Variants in LRRC8B observed in about 807,000 individuals in gnomAD.
LRRC8B encodes the protein leucine rich repeat containing 8 VRAC subunit B, also known as volume-regulated anion channel subunit LRRC8B.
In LRRC8B, 23 loss-of-function variants were observed where a neutral mutation model predicts 58.8. That is an observed-to-expected ratio of 0.39 (90% CI 0.28 to 0.55). The LOEUF is 0.55. Among genes scored for constraint, LRRC8B ranks in the 20% least tolerant of loss-of-function variants. The pLI, the probability that LRRC8B is intolerant of heterozygous loss-of-function variation, is 0.62. For missense variants in LRRC8B, 694 were observed against 936.0 expected (o/e 0.74, Z 3.37); for synonymous variants, 359 against 374.1 (o/e 0.96, Z 0.47).
intron 1 of LRRC8B, among the ~76,000 whole-genome samples, chr1:89,537,092 C>G (rs1356347331): frequency 6.6e-6 from 1 of 152,138 alleles, no homozygotes; most frequent in African/African-American, 2.4e-5. Context: ...GTGACTGAAT[C>G]AAGGACCTAA....
At chr1:89,525,522 T>C (rs1649616142) in intron 1 of LRRC8B, among the ~76,000 whole-genome samples, 1 of 152,260 alleles carries the variant, frequency 6.6e-6, no homozygotes, top group Non-Finnish European at 1.5e-5. Flanking sequence ...AACTATTTTA[T>C]GCTGTTGGAT....
At chr1:89,564,182 G>A (rs535247169) in intron 1 of LRRC8B, among the ~76,000 whole-genome samples, 1 of 152,282 alleles carries the variant, frequency 6.6e-6, no homozygotes, top group East Asian at 1.9e-4. Context: ...AAGAGGCTGT[G>A]CAAGCAGGAT....
chr1:89,535,926 A>T (rs1650494011), intron 1 of LRRC8B, among the ~76,000 whole-genome samples: 1 of 152,042 alleles, frequency 6.6e-6, no homozygotes, highest in African/African-American at 2.4e-5. Context: ...TGCAATTGAG[A>T]GGGAGAGGAC....
chr1:89,549,610 A>C (rs1249433321), intron 1 of LRRC8B, among the ~76,000 whole-genome samples: 1 of 152,188 alleles, frequency 6.6e-6, no homozygotes, highest in Non-Finnish European at 1.5e-5. Context: ...AAGTCATTTG[A>C]AGAGATGTTT....
chr1:89,536,889 A>C (rs979571943), intron 1 of LRRC8B, among the ~76,000 whole-genome samples: 1 of 152,154 alleles, frequency 6.6e-6, no homozygotes, highest in Non-Finnish European at 1.5e-5. Context: ...ACTTTTTTAT[A>C]TTATAGATAT....
intron 1 of LRRC8B, among the ~76,000 whole-genome samples, chr1:89,545,413 A>G (rs941566215): frequency 6.6e-6 from 1 of 152,224 alleles, no homozygotes; most frequent in Non-Finnish European, 1.5e-5. Flanking sequence ...AAGTTACACA[A>G]TATACCCAAA....
At chr1:89,530,384 T>A (rs939274693) in intron 1 of LRRC8B, among the ~76,000 whole-genome samples, 13 of 134,760 alleles carry the variant, frequency 9.6e-5, no homozygotes, top group South Asian at 5.1e-4. Context: ...AAATAAATAA[T>A]AAATAAATAA....
At chr1:89,592,578 C>G (rs970212397) in intron 5 of LRRC8B, among the ~76,000 whole-genome samples, 193 bp from the exon 6 acceptor site, 10 of 152,118 alleles carry the variant, frequency 6.6e-5, no homozygotes, top group African/African-American at 2.4e-4. Context: ...CCACAGTCCT[C>G]ACTCCTCATT....
At position 89,592,926 on chromosome 1, in the gene LRRC8B, T is replaced by G. The variant is rs1655079563; in HGVS notation, c.2295T>G (p.Pro765=). 2 of 1,614,046 alleles carry G rather than the reference T, an allele frequency of 1.2e-6. No individual in the cohort carries two copies. Among genetic ancestry groups the G allele is most frequent in the African/African-American group, 2.7e-5 (2 of 74,932 alleles). ...LIGNYLETLP[P]ELEGCQSLKR... is the part of the protein sequence containing the mutation. ...GTAATTACCTGGAAACACTTCCTCC[T>G]GAACTAGAAGGATGTCAGTCCCTAA... is the stretch of plus-strand genomic sequence containing the variant. Residue 765 remains proline, a synonymous_variant, in exon 6 of 6, where the codon CCT becomes CCG. Coordinates refer to ENST00000330947, the MANE Select transcript of LRRC8B (RefSeq NM_001369817.2).
intron 3 of LRRC8B, among the ~76,000 whole-genome samples, chr1:89,577,434 C>T (rs1037184259): frequency 4.6e-5 from 7 of 152,004 alleles, no homozygotes; most frequent in African/African-American, 9.7e-5. Flanking sequence ...GGATTAGAAC[C>T]GTAAAATCCA....
At chr1:89,546,259 C>G (rs1450183958) in intron 1 of LRRC8B, among the ~76,000 whole-genome samples, 1 of 152,014 alleles carries the variant, frequency 6.6e-6, no homozygotes, top group African/African-American at 2.4e-5. Flanking sequence ...GGCACTGGTT[C>G]ATTGGTTGGA....
chr1:89,591,345 G>T (rs1045345047), intron 5 of LRRC8B, among the ~76,000 whole-genome samples: 3 of 152,146 alleles, frequency 2.0e-5, no homozygotes, highest in Admixed American at 6.5e-5. Flanking sequence ...TGTGCAGAAG[G>T]GGTTGCCTTA....
Position 89,597,660 on chromosome 1 carries a change from A to G in LRRC8B, c.*4617A>G, listed in dbSNP as rs766850276. Reference sequence around the variant, plus strand: ...TGTACAATTGTTTTTGCTTCTGGTAATGAATTATTAGAAAATGGAAGATTT... The same window carrying G: ...TGTACAATTGTTTTTGCTTCTGGTAGTGAATTATTAGAAAATGGAAGATTT... On this transcript the variant is annotated 3_prime_UTR_variant, in exon 6 of 6. Coordinates refer to ENST00000330947, the MANE Select transcript of LRRC8B (RefSeq NM_001369817.2). The G allele has an allele frequency of 3.9e-5, 6 of 152,152 alleles. No individual in the cohort carries two copies. Among genetic ancestry groups the G allele is most frequent in the Non-Finnish European group, 8.8e-5 (6 of 68,034 alleles). The allele number at this position is 152,152 out of a possible 1,614,324, so 9.4% of individuals were successfully genotyped here.
chr1:89,542,357 G>A (rs1651065020), intron 1 of LRRC8B, among the ~76,000 whole-genome samples: 1 of 152,158 alleles, frequency 6.6e-6, no homozygotes, highest in African/African-American at 2.4e-5. Flanking sequence ...AAATAACTGA[G>A]GATTTGTTTA....
intron 1 of LRRC8B, among the ~76,000 whole-genome samples, chr1:89,550,268 T>C (rs941744827): frequency 1.3e-5 from 2 of 152,232 alleles, no homozygotes; most frequent in Non-Finnish European, 2.9e-5. Context: ...GTTTATCATC[T>C]GGACAATTGA....
At chr1:89,527,986 G>A (rs1038340280) in intron 1 of LRRC8B, among the ~76,000 whole-genome samples, 5 of 152,080 alleles carry the variant, frequency 3.3e-5, no homozygotes, top group African/African-American at 1.2e-4. Context: ...GAGTTGTCAG[G>A]GCTTCAACCT....
intron 1 of LRRC8B, among the ~76,000 whole-genome samples, chr1:89,562,619 C>T (rs1050039645): frequency 7.2e-5 from 11 of 151,994 alleles, no homozygotes; most frequent in South Asian, 6.2e-4. Flanking sequence ...TACAGGCAGG[C>T]GCCACTATGC....
At chr1:89,552,808 A>G (rs1651921092) in intron 1 of LRRC8B, among the ~76,000 whole-genome samples, 2 of 152,242 alleles carry the variant, frequency 1.3e-5, no homozygotes, top group South Asian at 2.1e-4. Flanking sequence ...AGATATTTGC[A>G]TAGAAGACTG....
At chr1:89,588,515 C>T in intron 5 of LRRC8B, among the ~76,000 whole-genome samples, 1 of 152,068 alleles carries the variant, frequency 6.6e-6, no homozygotes, top group East Asian at 1.9e-4. Flanking sequence ...AAAAACATAA[C>T]CAAATATAAT....
Sources: allele counts gnomAD v4.1 joint callset (sites outside exome capture counted in the v4.1 genomes callset), GRCh38; gene constraint gnomAD v4.1.1; transcripts MANE v1.5; gene names NCBI Gene and HGNC (gene_info 2026-07-23, HGNC 2026-07-21).